Variants in PDPR observed in about 807,000 individuals in gnomAD.
PDPR encodes pyruvate dehydrogenase phosphatase regulatory subunit.
PDPR carries 50 observed loss-of-function variants against 102.2 expected under a neutral mutation model. The observed-to-expected ratio is 0.49, with a 90% CI of 0.39 to 0.62. PDPR has a LOEUF of 0.62. Ranked by LOEUF, PDPR falls within the 20% of genes least tolerant of loss-of-function variation. The pLI is 0.00. For missense variants in PDPR, 625 were observed against 1,098.2 expected (o/e 0.57, Z 6.09); for synonymous variants, 259 against 406.0 (o/e 0.64, Z 4.35).
At chr16:70,139,656 A>G in intron 11 of PDPR, among the ~76,000 whole-genome samples, 1 of 152,228 alleles carries the variant, frequency 6.6e-6, no homozygotes, top group Admixed American at 6.5e-5. Flanking sequence ...TTGTTATTCT[A>G]CCTTGATCTC....
chr16:70,157,163 G>A lies in PDPR; in HGVS notation c.*284G>A. On this transcript the variant is annotated 3_prime_UTR_variant, in exon 19 of 19. Coordinates refer to ENST00000288050, the MANE Select transcript of PDPR (RefSeq NM_017990.5). ...AGGAGGTATGTCTGACAGGACAGAA[G>A]CAAGCTCCACTGTGGACATGAGTGA... The A allele has an allele frequency of 1.6e-6, 1 of 641,592 alleles. No homozygotes were observed. The highest frequency in any genetic ancestry group is 2.9e-6 in the Non-Finnish European group (1 of 349,426). 39.7% of individuals were successfully genotyped at this position (641,592 alleles called of 1,614,324 possible).
rs1467066018 is a variant in PDPR at position 70,160,172 on chromosome 16, C to T, written c.*3293C>T. On this transcript the variant is annotated 3_prime_UTR_variant, in exon 19 of 19. Coordinates refer to ENST00000288050, the MANE Select transcript of PDPR (RefSeq NM_017990.5). ...CCTCCCTTGAAATGTCTTTAATTAC[C>T]TCCCCTTCATCGTCAGGCCACGTGT... 1 of 152,866 alleles carries T rather than the reference C, an allele frequency of 6.5e-6. No homozygotes were observed. Among genetic ancestry groups the T allele is most frequent in the African/African-American group, 2.4e-5 (1 of 41,490 alleles). 9.5% of individuals were successfully genotyped at this position (152,866 alleles called of 1,614,324 possible). A position where few individuals can be genotyped will look rare whatever the true frequency, so the allele number is the denominator to read the frequency against.
chr16:70,119,910 T>G (rs1306532032), intron 2 of PDPR, among the ~76,000 whole-genome samples: 2 of 116,454 alleles, frequency 1.7e-5, no homozygotes, highest in Non-Finnish European at 3.5e-5. Flanking sequence ...TGTTTTTTTT[T>G]TGTTTGTTTG....
intron 9 of PDPR, among the ~76,000 whole-genome samples, chr16:70,134,742 C>T (rs1443296889): frequency 2.0e-5 from 3 of 150,660 alleles, no homozygotes; most frequent in African/African-American, 7.3e-5. Flanking sequence ...GCTGAGATCG[C>T]ACCACTGCAC....
Position 70,156,862 on chromosome 16 carries a change from G to C in PDPR, c.2623G>C (p.Asp875His). 1 of 1,613,730 alleles carries C rather than the reference G, an allele frequency of 6.2e-7. No homozygotes were observed. The highest frequency in any genetic ancestry group is 8.5e-7 in the Non-Finnish European group (1 of 1,179,774). The change falls in exon 19 of 19, where the codon GAC (aspartate) becomes CAC (histidine). Residue 875 changes from aspartate to histidine, a missense_variant. Asp to His is a moderately conservative substitution (Grantham distance 81, BLOSUM62 -1). This residue lies in a region of PDPR where 303 missense variants were observed against 258.9 expected (regional missense o/e 1.17). Transcript: ENST00000288050. ...KRRKDDMELSDLHGK is the reference protein window; with the variant it reads ...KRRKDDMELSHLHGK ...CCGAAAGGATGACATGGAGCTGAGT[G>C]ACTTACATGGGAAGTGATGCCACCA...
intron 7 of PDPR, among the ~76,000 whole-genome samples, chr16:70,130,936 T>A (rs934589056): frequency 6.6e-6 from 1 of 152,296 alleles, no homozygotes; most frequent in African/African-American, 2.4e-5. Context: ...GGCTCTTGCC[T>A]TCCATGCTAT....
chr16:70,150,036 G>A (rs1488969234), intron 17 of PDPR, among the ~76,000 whole-genome samples: 1 of 151,586 alleles, frequency 6.6e-6, no homozygotes, highest in African/African-American at 2.4e-5. Context: ...TGATCTGCCA[G>A]CCTTGGCCTC....
intron 2 of PDPR, among the ~76,000 whole-genome samples, chr16:70,116,551 A>T (rs112387644): frequency 0.058 from 8,513 of 147,006 alleles, 1,027 homozygotes; most frequent in African/African-American, 0.2. Context: ...CAAAAAAAAA[A>T]AAAAAATTAA....
At chr16:70,135,362 G>T (rs1466720669) in intron 9 of PDPR, among the ~76,000 whole-genome samples, 2 of 151,956 alleles carry the variant, frequency 1.3e-5, no homozygotes, top group South Asian at 2.1e-4. Context: ...TCAGCCTCCC[G>T]AGTAGCTGGG....
chr16:70,148,652 G>T (rs187036584), intron 17 of PDPR, 99 bp downstream of exon 17: 1 of 1,103,556 alleles, frequency 9.1e-7, no homozygotes, highest in Non-Finnish European at 1.3e-6. Context: ...TCCCAGCAGC[G>T]CGTTCACCAG....
At chr16:70,125,391 C>CAAA (rs1555521452) in intron 3 of PDPR, among the ~76,000 whole-genome samples, 3 of 144,990 alleles carry the variant, frequency 2.1e-5, no homozygotes. Flanking sequence ...AACAAACAAA[C>CAAA]AAAAAAACAA....
In PDPR at chr16:70,158,866, G is replaced by T. The variant is rs1472997259; in HGVS notation, c.*1987G>T. The stretch of plus-strand genomic sequence containing the variant: ...CCTCCTCTGCTCTTCCAAACACGTA[G>T]CATTTGCACCCCTCCAAAGCCATCT... On this transcript the variant is annotated 3_prime_UTR_variant, in exon 19 of 19. Coordinates refer to ENST00000288050, the MANE Select transcript of PDPR (RefSeq NM_017990.5). The T allele has an allele frequency of 6.6e-6, 1 of 152,460 alleles. No individual in the cohort carries two copies. Among genetic ancestry groups the T allele is most frequent in the African/African-American group, 2.4e-5 (1 of 41,468 alleles). The allele number at this position is 152,460 out of a possible 1,614,324, so 9.4% of individuals were successfully genotyped here. A position where few individuals can be genotyped will look rare whatever the true frequency, so the allele number is the denominator to read the frequency against.
At chr16:70,126,063 A>AT (rs1206458139) in intron 3 of PDPR, among the ~76,000 whole-genome samples, 2 of 152,150 alleles carry the variant, frequency 1.3e-5, no homozygotes, top group African/African-American at 2.4e-5. Flanking sequence ...CATTTATTAT[A>AT]TTTTTTCTCT....
chr16:70,144,202 G>A lies in PDPR; in HGVS notation c.1755-219G>A, dbSNP rs1213956126. Among the ~76,000 whole-genome samples, 5 of 150,108 alleles carry A rather than the reference G, an allele frequency of 3.3e-5. No homozygotes were observed. In the East Asian group the frequency reaches 6.0e-4, roughly 18 times the overall value. On this transcript the variant is annotated intron_variant, in intron 14 of 18. Transcript: ENST00000288050. ...CACTGTGCCCAGCCGATGTCTTAAC[G>A]TTAGTAAATCTGTATAATTTCTTGG... is the stretch of plus-strand genomic sequence containing the variant.
chr16:70,138,532 T>TC (rs59381584), intron 10 of PDPR, among the ~76,000 whole-genome samples: 23 of 151,946 alleles, frequency 1.5e-4, no homozygotes, highest in Admixed American at 2.6e-4. Context: ...CTTTTTTTTT[T>TC]CTGTAGAGAC....
chr16:70,162,723 G>T (rs922974484), downstream of PDPR, among the ~76,000 whole-genome samples: 96 of 152,364 alleles, frequency 6.3e-4, no homozygotes, highest in Non-Finnish European at 1.0e-3. Flanking sequence ...GAGTGGCTGG[G>T]GGTAAAAGCT....
intron 10 of PDPR, among the ~76,000 whole-genome samples, chr16:70,137,440 C>T (rs1373537268): frequency 6.6e-6 from 1 of 152,238 alleles, no homozygotes; most frequent in Non-Finnish European, 1.5e-5. Context: ...CCGTGTGGTT[C>T]CACTTATATG....
At chr16:70,148,993 C>G (rs1263471309) in intron 17 of PDPR, among the ~76,000 whole-genome samples, 15 of 151,772 alleles carry the variant, frequency 9.9e-5, no homozygotes, top group Non-Finnish European at 1.9e-4. Flanking sequence ...CTCTTGGGCT[C>G]AAGCCACCCT....
At chr16:70,134,333 C>G (rs1402234812) in intron 9 of PDPR, among the ~76,000 whole-genome samples, 8 of 152,090 alleles carry the variant, frequency 5.3e-5, no homozygotes, top group Non-Finnish European at 1.0e-4. Flanking sequence ...TCAAGCAATT[C>G]TCCTGCCTCA....
Sources: allele counts gnomAD v4.1 joint callset (sites outside exome capture counted in the v4.1 genomes callset), GRCh38; gene constraint gnomAD v4.1.1; regional missense constraint gnomAD v4.1.1; transcripts MANE v1.5; gene names NCBI Gene and HGNC (gene_info 2026-07-23, HGNC 2026-07-21).